STK32B: variants seen among roughly 807,000 people sequenced by gnomAD.
The protein encoded by STK32B is serine/threonine kinase 32B, also known as serine/threonine-protein kinase 32B.
STK32B carries 43 observed loss-of-function variants against 52.6 expected under a neutral mutation model. The observed-to-expected ratio is 0.82, with a 90% CI of 0.64 to 1.05. The LOEUF is 1.05. Among genes scored for constraint, STK32B ranks in the 50% least tolerant of loss-of-function variants. The pLI is 0.00. For missense variants in STK32B, 621 were observed against 534.6 expected (o/e 1.16, Z -1.59); for synonymous variants, 238 against 204.3 (o/e 1.17, Z -1.41).
At chr4:5,359,764 T>G (rs1037310431) in intron 4 of STK32B, among the ~76,000 whole-genome samples, 2 of 152,044 alleles carry the variant, frequency 1.3e-5, no homozygotes, top group Non-Finnish European at 2.9e-5. Context: ...AGAGGAAGTG[T>G]GCTTGGTTGC....
intron 4 of STK32B, among the ~76,000 whole-genome samples, chr4:5,370,170 C>T (rs780486011): frequency 1.3e-5 from 2 of 151,644 alleles, no homozygotes; most frequent in Non-Finnish European, 2.9e-5. Context: ...CCACCACGCC[C>T]GACCCTCAAA....
At chr4:5,021,186 A>G in the STK32B span, among the ~76,000 whole-genome samples, 1 of 152,208 alleles carries the variant, frequency 6.6e-6, no homozygotes, top group Non-Finnish European at 1.5e-5. Context: ...GTCTGTAAAC[A>G]GGATAGCATC....
intron 7 of STK32B, among the ~76,000 whole-genome samples, chr4:5,456,227 A>G (rs1227443204): frequency 6.6e-6 from 1 of 152,250 alleles, no homozygotes; most frequent in Non-Finnish European, 1.5e-5. Context: ...TACCAAGTTC[A>G]GAAACTGGGG....
At chr4:5,474,315 G>A (rs1197113672) in intron 11 of STK32B, among the ~76,000 whole-genome samples, 1 of 152,106 alleles carries the variant, frequency 6.6e-6, no homozygotes, top group East Asian at 1.9e-4. Context: ...GTCAAGTCTT[G>A]GTCTTGCTGC....
intron 11 of STK32B, among the ~76,000 whole-genome samples, chr4:5,473,944 A>C (rs897590508): frequency 4.6e-5 from 7 of 152,056 alleles, no homozygotes; most frequent in African/African-American, 1.7e-4. Flanking sequence ...GTGAAGCCCC[A>C]TCTCTAGTAA....
At chr4:5,121,562 A>G (rs1422164196) in intron 1 of STK32B, among the ~76,000 whole-genome samples, 8 of 152,234 alleles carry the variant, frequency 5.3e-5, no homozygotes, top group African/African-American at 9.6e-5. Flanking sequence ...AGTAATCACA[A>G]TTATGATAGC....
intron 2 of STK32B, among the ~76,000 whole-genome samples, chr4:5,154,909 T>C (rs2108711122): frequency 6.6e-6 from 1 of 152,206 alleles, no homozygotes; most frequent in Non-Finnish European, 1.5e-5. Context: ...ATGAATTAGC[T>C]TGCTTGGTTG....
chr4:5,122,259 C>T (rs539209695), intron 1 of STK32B, among the ~76,000 whole-genome samples: 12 of 151,876 alleles, frequency 7.9e-5, no homozygotes, highest in Admixed American at 2.6e-4. Context: ...CTCATTTACT[C>T]ATTCATTCAT....
At chr4:5,089,276 G>A (rs779883286) in intron 1 of STK32B, among the ~76,000 whole-genome samples, 2 of 150,898 alleles carry the variant, frequency 1.3e-5, no homozygotes, top group South Asian at 2.1e-4. Flanking sequence ...TGTCACATAC[G>A]TATACCTGTG....
intron 3 of STK32B, among the ~76,000 whole-genome samples, chr4:5,170,344 A>G (rs1719263366): frequency 6.6e-6 from 1 of 152,126 alleles, no homozygotes; most frequent in African/African-American, 2.4e-5. Context: ...GTTTTAGGGT[A>G]CATGTGCACA....
intron 3 of STK32B, among the ~76,000 whole-genome samples, chr4:5,171,045 C>T (rs1016634992): frequency 9.2e-5 from 14 of 152,222 alleles, no homozygotes; most frequent in Non-Finnish European, 1.9e-4. Flanking sequence ...ATTTGTATTT[C>T]TCTGATGACC....
At chr4:5,368,692 G>A (rs1044236924) in intron 4 of STK32B, among the ~76,000 whole-genome samples, 2 of 152,286 alleles carry the variant, frequency 1.3e-5, no homozygotes, top group African/African-American at 4.8e-5. Context: ...GGGACTGCTT[G>A]GCATGAGTAT....
rs779753995 is a variant in STK32B, at chr4:5,499,102, TC to T, written c.*20del. On this transcript the variant is annotated 3_prime_UTR_variant, in exon 12 of 12. Coordinates refer to ENST00000282908, the MANE Select transcript of STK32B (RefSeq NM_018401.3). ...CAGCTGAGCCCACACTTGTTGCTGCTCAACAGGACTGCACTCGTCTCTGCCC... is the reference window on the plus strand; with the variant it reads ...CAGCTGAGCCCACACTTGTTGCTGCTAACAGGACTGCACTCGTCTCTGCCC... 3.8e-5 allele frequency: 61 copies of T among 1,602,692 alleles called. No individual in the cohort carries two copies. Among genetic ancestry groups the T allele is most frequent in the Non-Finnish European group, 4.9e-5 (58 of 1,173,918 alleles).
intron 6 of STK32B, among the ~76,000 whole-genome samples, chr4:5,441,130 A>G: frequency 1.3e-5 from 2 of 148,802 alleles, no homozygotes; most frequent in African/African-American, 4.9e-5. Flanking sequence ...AAAATGAGTT[A>G]GGGAGGATTC....
Position 5,179,853 on chromosome 4 carries a change from A to G in STK32B, c.260+11403A>G, listed in dbSNP as rs561181673. On this transcript the variant is annotated intron_variant, in intron 3 of 11. Transcript: ENST00000282908. ...TTTTGCTTTCCCCTGTGTTAGCTTTATTTTCAGAGCCACGAGTCACATTGA... is the reference window on the plus strand; with the variant it reads ...TTTTGCTTTCCCCTGTGTTAGCTTTGTTTTCAGAGCCACGAGTCACATTGA... Among the ~76,000 whole-genome samples the G allele has an allele frequency of 6.6e-5, 10 of 152,198 alleles. No homozygotes were observed. In the South Asian group the frequency reaches 2.1e-3, roughly 32 times the overall value.
At chr4:5,409,717 C>T (rs1235469995) in intron 5 of STK32B, among the ~76,000 whole-genome samples, 2 of 152,206 alleles carry the variant, frequency 1.3e-5, no homozygotes, top group Non-Finnish European at 1.5e-5. Context: ...CGAAAGAGCT[C>T]AGTAAAGCCC....
chr4:5,082,254 C>T (rs775294648), intron 1 of STK32B, among the ~76,000 whole-genome samples: 28 of 152,082 alleles, frequency 1.8e-4, no homozygotes, highest in Non-Finnish European at 3.5e-4. Context: ...TGACTTTTCC[C>T]AATCCTACAG....
At chr4:5,403,764 C>A (rs1420538169) in intron 5 of STK32B, among the ~76,000 whole-genome samples, 1 of 151,970 alleles carries the variant, frequency 6.6e-6, no homozygotes, top group African/African-American at 2.4e-5. Context: ...GGAAGAGACT[C>A]CAGGAAATTA....
intron 4 of STK32B, among the ~76,000 whole-genome samples, chr4:5,360,701 G>C (rs1006937017): frequency 3.3e-5 from 5 of 152,172 alleles, no homozygotes; most frequent in African/African-American, 1.2e-4. Context: ...AGCTACTCGG[G>C]AGGCTGAGGC....
Sources: allele counts gnomAD v4.1 joint callset (sites outside exome capture counted in the v4.1 genomes callset), GRCh38; gene constraint gnomAD v4.1.1; transcripts MANE v1.5; gene names NCBI Gene and HGNC (gene_info 2026-07-23, HGNC 2026-07-21).